MGAM2: variants seen among roughly 807,000 people sequenced by gnomAD.
MGAM2 encodes maltase-glucoamylase 2 (putative).
A neutral mutation model predicts 96.1 loss-of-function variants in MGAM2; 98 were observed. That is an observed-to-expected ratio of 1.02 (90% CI 0.87 to 1.21). The LOEUF is 1.21. Ranked by LOEUF, MGAM2 falls within the 50% of genes most tolerant of loss-of-function variation. The probability of loss-of-function intolerance (pLI) is 0.00; values close to 1 mark genes in which losing one functional copy is unlikely to be tolerated. For missense variants in MGAM2, 2,055 were observed against 1,182.4 expected (o/e 1.74, Z -10.82); for synonymous variants, 749 against 414.8 (o/e 1.81, Z -9.79).
chr7:142,146,271 G>C (rs1017640173), intron 14 of MGAM2, among the ~76,000 whole-genome samples: 1 of 150,266 alleles, frequency 6.7e-6, no homozygotes, highest in Non-Finnish European at 1.5e-5. Flanking sequence ...TGGTGGACAC[G>C]GCCACTTTTG....
chr7:142,216,999 T>C (rs1367562436), intron 46 of MGAM2, among the ~76,000 whole-genome samples: 3 of 152,206 alleles, frequency 2.0e-5, no homozygotes, highest in Non-Finnish European at 4.4e-5. Context: ...AATGTGTCCC[T>C]GTACCCCTAT....
chr7:142,219,932 G>C lies in MGAM2; in HGVS notation c.5421G>C (p.Trp1807Cys). The C allele has an allele frequency of 1.4e-6, 1 of 702,774 alleles. No individual in the cohort carries two copies. The highest frequency in any genetic ancestry group is 2.6e-6 in the Non-Finnish European group (1 of 384,846). 43.5% of individuals were successfully genotyped at this position (702,774 alleles called of 1,614,324 possible). Reference protein sequence around the residue: ...INLEKLTEVTWIDGGPVLPTP... With the variant: ...INLEKLTEVTCIDGGPVLPTP... ...TGGAAAAGTTAACTGAGGTTACTTG[G>C]ATTGATGGTGGTCCTGTACTTCCTA... is the stretch of plus-strand genomic sequence containing the variant. The change falls in exon 48 of 48, where the codon TGG becomes TGC. Residue 1807 changes from tryptophan (W) to cysteine (C), a missense_variant. Trp to Cys is a radical substitution (Grantham distance 215). Coordinates refer to ENST00000477922, the MANE Select transcript of MGAM2 (RefSeq NM_001293626.2).
chr7:142,196,185 G>A lies in MGAM2; in HGVS notation c.4378G>A (p.Val1460Ile). 2 of 1,202,800 alleles carry A rather than the reference G, an allele frequency of 1.7e-6. No individual in the cohort carries two copies. Among genetic ancestry groups the A allele is most frequent in the Non-Finnish European group, 2.4e-6 (2 of 826,808 alleles). 74.5% of individuals were successfully genotyped at this position (1,202,800 alleles called of 1,614,324 possible). A position where few individuals can be genotyped will look rare whatever the true frequency, so the allele number is the denominator to read the frequency against. The stretch of plus-strand genomic sequence containing the variant: ...GCAGGAGGTGACAGGACAGCGAGGG[G>A]TCATCATCACCCGCTCCACATTTCC... Reference protein sequence around the residue: ...AVQEVTGQRGVIITRSTFPSS... With the variant: ...AVQEVTGQRGIIITRSTFPSS... The change falls in exon 38 of 48, where the codon GTC becomes ATC. Residue 1460 changes from valine to isoleucine, a missense_variant. Physicochemically the swap from Val to Ile is conservative, Grantham distance 29. Transcript: ENST00000477922.
At chr7:142,116,732 A>G (rs1224456968) in intron 1 of MGAM2, 142 bp from the exon 2 acceptor site, 3 of 624,140 alleles carry the variant, frequency 4.8e-6, no homozygotes, top group East Asian at 5.5e-5. Context: ...GGAAACAAAT[A>G]TTCTTTAGAT....
intron 37 of MGAM2, among the ~76,000 whole-genome samples, chr7:142,193,895 C>G (rs955086077): frequency 3.3e-5 from 5 of 152,200 alleles, no homozygotes; most frequent in Non-Finnish European, 5.9e-5. Context: ...CAACCCAAAC[C>G]TCTCTTGAGC....
At chr7:142,146,284 C>T (rs1189194980) in intron 14 of MGAM2, among the ~76,000 whole-genome samples, 1 of 151,086 alleles carries the variant, frequency 6.6e-6, no homozygotes, top group Non-Finnish European at 1.5e-5. Context: ...CACTTTTGCT[C>T]ATAGCCAGGC....
At chr7:142,197,771 T>C (rs1160444196) in intron 42 of MGAM2, 43 bp downstream of exon 42, 2 of 702,452 alleles carry the variant, frequency 2.8e-6, no homozygotes, top group African/African-American at 1.7e-5. Flanking sequence ...AATCACATGA[T>C]CTAAAATCAT....
intron 32 of MGAM2, among the ~76,000 whole-genome samples, chr7:142,176,706 G>C (rs1167639228): frequency 6.6e-6 from 1 of 152,084 alleles, no homozygotes; most frequent in Admixed American, 6.5e-5. Flanking sequence ...GAGCAATAAA[G>C]AAGTTTCTTG....
chr7:142,204,777 A>G (rs1173790537), intron 45 of MGAM2, among the ~76,000 whole-genome samples: 1 of 152,098 alleles, frequency 6.6e-6, no homozygotes, highest in African/African-American at 2.4e-5. Context: ...TGAAAACAAA[A>G]TGAAAATAAA....
chr7:142,203,546 A>C (rs1797305024), intron 45 of MGAM2, among the ~76,000 whole-genome samples: 1 of 152,194 alleles, frequency 6.6e-6, no homozygotes, highest in Admixed American at 6.5e-5. Context: ...AGCCAAAGCA[A>C]TCCTAAGCAA....
intron 45 of MGAM2, among the ~76,000 whole-genome samples, chr7:142,207,776 G>A (rs574230705): frequency 3.5e-4 from 53 of 152,212 alleles, no homozygotes; most frequent in Non-Finnish European, 5.3e-4. Context: ...AAGGAGATGC[G>A]GTAGTAGCTC....
chr7:142,183,301 C>T lies in MGAM2; in HGVS notation c.3852C>T (p.Leu1284=), dbSNP rs1426872659. The change falls in exon 33 of 48, where the codon CTC becomes CTT. Residue 1284 remains leucine, a synonymous_variant. Transcript: ENST00000477922. Reference sequence around the variant, plus strand: ...TTTCTGGCAATGAGACACAGTATCTCCCATTCATTAGAGGACAGGAAAATA... The same window carrying T: ...TTTCTGGCAATGAGACACAGTATCTTCCATTCATTAGAGGACAGGAAAATA... ...PAISGNETQY[L]PFIRGQENNV... 1.4e-6 allele frequency: 1 copy of T among 703,550 alleles called. No individual in the cohort carries two copies. Among genetic ancestry groups the T allele is most frequent in the Non-Finnish European group, 2.6e-6 (1 of 385,022 alleles). The allele number at this position is 703,550 out of a possible 1,614,324, so 43.6% of individuals were successfully genotyped here.
chr7:142,207,667 G>A (rs1347219923), intron 45 of MGAM2, among the ~76,000 whole-genome samples: 1 of 152,064 alleles, frequency 6.6e-6, no homozygotes, highest in East Asian at 1.9e-4. Flanking sequence ...CTGACCTCGT[G>A]ATGCGCCCGC....
At chr7:142,113,122 G>T (rs1817230758) in intron 1 of MGAM2, among the ~76,000 whole-genome samples, 1 of 152,162 alleles carries the variant, frequency 6.6e-6, no homozygotes, top group Non-Finnish European at 1.5e-5. Context: ...AATGGTCGTG[G>T]CATTGGGGAG....
chr7:142,116,733 T>A (rs1738160063), intron 1 of MGAM2, 141 bp from the exon 2 acceptor site: 4 of 624,510 alleles, frequency 6.4e-6, no homozygotes, highest in Non-Finnish European at 1.2e-5. Flanking sequence ...GAAACAAATA[T>A]TCTTTAGATT....
At chr7:142,174,266 T>C (rs1347829457) in intron 31 of MGAM2, among the ~76,000 whole-genome samples, 1 of 152,238 alleles carries the variant, frequency 6.6e-6, no homozygotes, top group East Asian at 1.9e-4. Flanking sequence ...TAAATTGCTC[T>C]GGGCAGTATG....
intron 34 of MGAM2, among the ~76,000 whole-genome samples, chr7:142,185,595 A>G (rs758176649): frequency 1.3e-5 from 2 of 152,070 alleles, no homozygotes; most frequent in Non-Finnish European, 1.5e-5. Context: ...CCTGGATGAC[A>G]GTCCTCCTTC....
chr7:142,203,373 C>G (rs1281918149), intron 45 of MGAM2, among the ~76,000 whole-genome samples: 2 of 151,902 alleles, frequency 1.3e-5, no homozygotes, highest in Non-Finnish European at 2.9e-5. Flanking sequence ...AGAAATCAGA[C>G]AAGACACATA....
Position 142,212,068 on chromosome 7 carries a change from A to G in MGAM2, c.5187+3446A>G, listed in dbSNP as rs577506373. On this transcript the variant is annotated intron_variant, in intron 46 of 47. Coordinates refer to ENST00000477922, the MANE Select transcript of MGAM2 (RefSeq NM_001293626.2). ...TCTTAAAGAAAAGAATTTTCAACCC[A>G]GAATTTCAAATCCAGCCAAACTAAG... 1.0e-3 allele frequency among the ~76,000 whole-genome samples: 158 copies of G among 152,372 alleles called. 1 individual carries two copies. Among genetic ancestry groups the G allele is most frequent in the South Asian group, 2.9e-3 (14 of 4,828 alleles).
Sources: allele counts gnomAD v4.1 joint callset (sites outside exome capture counted in the v4.1 genomes callset), GRCh38; gene constraint gnomAD v4.1.1; transcripts MANE v1.5; gene names NCBI Gene and HGNC (gene_info 2026-07-23, HGNC 2026-07-21).